MAT1A: variants seen among roughly 807,000 people sequenced by gnomAD.
The protein encoded by MAT1A is methionine adenosyltransferase 1A.
MAT1A carries 19 observed loss-of-function variants against 44.0 expected under a neutral mutation model. That is an observed-to-expected ratio of 0.43 (90% CI 0.30 to 0.63). The LOEUF is 0.63. MAT1A is among the 30% of genes least tolerant of loss of function. The pLI is 0.12. For missense variants in MAT1A, 397 were observed against 531.0 expected, an observed-to-expected ratio of 0.75 and a Z score of 2.48; for synonymous variants, 205 against 205.6, an observed-to-expected ratio of 1.00 and a Z score of 0.03.
chr10:80,279,824 C>T (rs1049368786), intron 5 of MAT1A, among the ~76,000 whole-genome samples: 19 of 152,082 alleles, frequency 1.2e-4, no homozygotes, highest in African/African-American at 4.3e-4. Context: ...ACAGACACAG[C>T]ACAGACAGCC....
At chr10:80,284,095 T>C in intron 2 of MAT1A, 57 bp from the exon 3 acceptor site, 2 of 1,599,780 alleles carry the variant, frequency 1.3e-6, no homozygotes, top group Non-Finnish European at 1.7e-6. Context: ...AAAGGGAAGC[T>C]CACATTCCCA....
chr10:80,273,691 G>T lies in MAT1A; in HGVS notation c.*90C>A. ...GCTTTGCCCTGAGGGTTGGTGGGTG[G>T]GGAAGGCGATCAGCAGCCAGGCGTC... is the stretch of plus-strand genomic sequence containing the variant. On this transcript the variant is annotated 3_prime_UTR_variant, in exon 9 of 9. Transcript: ENST00000372213. 1 of 931,244 alleles carries T rather than the reference G, an allele frequency of 1.1e-6. No homozygotes were observed. Among genetic ancestry groups the T allele is most frequent in the Non-Finnish European group, 1.8e-6 (1 of 559,758 alleles). 57.7% of individuals were successfully genotyped at this position (931,244 alleles called of 1,614,324 possible).
At chr10:80,286,154 C>T (rs780545347) in intron 1 of MAT1A, among the ~76,000 whole-genome samples, 1 of 152,176 alleles carries the variant, frequency 6.6e-6, no homozygotes, top group East Asian at 1.9e-4. Flanking sequence ...AGGAGTCTAA[C>T]GCAACTCACA....
In MAT1A at chr10:80,273,677, A is replaced by C. The variant is rs1399781594; in HGVS notation, c.*104T>G. 7 of 846,970 alleles carry C rather than the reference A, an allele frequency of 8.3e-6. No individual in the cohort carries two copies. The highest frequency in any genetic ancestry group is 1.2e-5 in the Non-Finnish European group (6 of 483,344). 52.5% of individuals were successfully genotyped at this position (846,970 alleles called of 1,614,324 possible). On this transcript the variant is annotated 3_prime_UTR_variant, in exon 9 of 9. Coordinates refer to ENST00000372213, the MANE Select transcript of MAT1A (RefSeq NM_000429.3). Reference sequence around the variant, plus strand: ...ATGAGAGGGACCTGGCTTTGCCCTGAGGGTTGGTGGGTGGGGAAGGCGATC... The same window carrying C: ...ATGAGAGGGACCTGGCTTTGCCCTGCGGGTTGGTGGGTGGGGAAGGCGATC...
chr10:80,276,182 G>A (rs1841483618), intron 6 of MAT1A, among the ~76,000 whole-genome samples, 194 bp downstream of exon 6: 1 of 152,162 alleles, frequency 6.6e-6, no homozygotes, highest in East Asian at 1.9e-4. Flanking sequence ...CTTGCACACT[G>A]TCAGACACAT....
chr10:80,280,371 C>T (rs1841549251), intron 4 of MAT1A, 55 bp from the exon 5 acceptor site: 1 of 1,607,372 alleles, frequency 6.2e-7, no homozygotes, highest in South Asian at 1.1e-5. Flanking sequence ...AGGACCGCAG[C>T]TCTCTCCAAG....
At position 80,284,411 on chromosome 10, in the gene MAT1A, C is replaced by T. The variant is rs1163006314; in HGVS notation, c.170-373G>A. On this transcript the variant is annotated intron_variant, in intron 2 of 8. Coordinates refer to ENST00000372213, the MANE Select transcript of MAT1A (RefSeq NM_000429.3). ...TAGTCCACACATGTGACCCCCCATC[C>T]CCCACATTGCTAAACCTCCACTGCA... is the stretch of plus-strand genomic sequence containing the variant. Among the ~76,000 whole-genome samples the T allele has an allele frequency of 3.3e-5, 5 of 152,270 alleles. No homozygotes were observed. In the South Asian group the frequency reaches 1.0e-3, roughly 32 times the overall value.
At chr10:80,275,342 G>C (rs1841472489) in intron 6 of MAT1A, 143 bp from the exon 7 acceptor site, 2 of 752,998 alleles carry the variant, frequency 2.7e-6, no homozygotes, top group East Asian at 2.7e-5. Flanking sequence ...AGACCCCTTA[G>C]CCCAGAACTC....
chr10:80,280,026 C>T, intron 5 of MAT1A, 147 bp downstream of exon 5: 6 of 974,964 alleles, frequency 6.2e-6, no homozygotes, highest in Non-Finnish European at 6.1e-6. Context: ...AGATTTTTCA[C>T]ATAAATAGTT....
intron 1 of MAT1A, among the ~76,000 whole-genome samples, chr10:80,287,366 G>T (rs1160379358): frequency 6.6e-6 from 1 of 151,914 alleles, no homozygotes; most frequent in Non-Finnish European, 1.5e-5. Context: ...TTGTTTTTTT[G>T]GAAAACCAGA....
intron 1 of MAT1A, among the ~76,000 whole-genome samples, chr10:80,288,200 A>G: frequency 6.6e-6 from 1 of 152,244 alleles, no homozygotes; most frequent in East Asian, 1.9e-4. Context: ...ATAAGTTAGC[A>G]AACACTCGAA....
intron 3 of MAT1A, among the ~76,000 whole-genome samples, chr10:80,282,312 C>A (rs548116338): frequency 6.6e-6 from 1 of 152,152 alleles, no homozygotes; most frequent in Non-Finnish European, 1.5e-5. Flanking sequence ...CCAGGAGCAA[C>A]GAGGAGCCAC....
chr10:80,279,278 T>C (rs778956097), intron 5 of MAT1A, among the ~76,000 whole-genome samples: 2 of 151,762 alleles, frequency 1.3e-5, no homozygotes, highest in Non-Finnish European at 2.9e-5. Flanking sequence ...GGGTGCTTGA[T>C]GGGGTAAACT....
rs1841696000 is a variant in MAT1A at position 80,289,635 on chromosome 10, G to A, written c.-212C>T. The A allele has an allele frequency of 1.2e-5, 7 of 603,450 alleles. No individual in the cohort carries two copies. The Admixed American group carries it at 1.5e-4, about 13-fold the overall frequency. The allele number at this position is 603,450 out of a possible 1,614,324, so 37.4% of individuals were successfully genotyped here. ...GGAGGGAGTGGATGGAACACGGGATGTGTCCCTCCCTCCAGCTTGCCACAG... is the reference window on the plus strand; with the variant it reads ...GGAGGGAGTGGATGGAACACGGGATATGTCCCTCCCTCCAGCTTGCCACAG... On this transcript the variant is annotated 5_prime_UTR_variant, in exon 1 of 9. Transcript: ENST00000372213.
intron 3 of MAT1A, among the ~76,000 whole-genome samples, chr10:80,283,319 C>G (rs975006953): frequency 6.6e-6 from 1 of 152,248 alleles, no homozygotes; most frequent in Non-Finnish European, 1.5e-5. Context: ...GGCCTGTGCC[C>G]CTTCCCTGGG....
In MAT1A at chr10:80,284,705, T is replaced by A. The variant is rs149624514; in HGVS notation, c.170-667A>T. Among the ~76,000 whole-genome samples the A allele has an allele frequency of 9.2e-3, 1,407 of 152,274 alleles. 17 individuals are homozygous for A. The highest frequency in any genetic ancestry group is 0.031 in the Middle Eastern group (9 of 294). On this transcript the variant is annotated intron_variant, in intron 2 of 8. Transcript: ENST00000372213. ...CTTGGCCAGGCCCTGATGCAGAGGG[T>A]ACCGTGATCCTGTCTCTAAAATGAA...
At position 80,272,987 on chromosome 10, in the gene MAT1A, T is replaced by C. The variant is rs1165720950; in HGVS notation, c.*794A>G. 6.6e-6 allele frequency: 1 copy of C among 152,266 alleles called. No individual in the cohort carries two copies. Among genetic ancestry groups the C allele is most frequent in the Non-Finnish European group, 1.5e-5 (1 of 68,116 alleles). The allele number at this position is 152,266 out of a possible 1,614,324, so 9.4% of individuals were successfully genotyped here. On this transcript the variant is annotated 3_prime_UTR_variant, in exon 9 of 9. Transcript: ENST00000372213. ...CCTCAGGCCTTCAGGACAGAGTCCA[T>C]GGCCTCATTTCTGAATCTGCTTTGT...
chr10:80,280,899 G>T (rs1841558262), intron 3 of MAT1A, 107 bp from the exon 4 acceptor site: 2 of 829,076 alleles, frequency 2.4e-6, no homozygotes, highest in Non-Finnish European at 4.1e-6. Context: ...GTGTCAGCGT[G>T]GGGGTTCCCT....
At position 80,284,010 on chromosome 10, in the gene MAT1A, C is replaced by A; in HGVS notation, c.198G>T (p.Leu66=). The change falls in exon 3 of 9, where the codon CTG becomes CTT. Residue 66 remains leucine (L), a synonymous_variant. Coordinates refer to ENST00000372213, the MANE Select transcript of MAT1A (RefSeq NM_000429.3). The stretch of plus-strand genomic sequence containing the variant: ...CCATTGAGGTGATCTCACCACACAG[C>A]AGCACCATGCCGGTCTTGCACACTG... ...CETVCKTGMV[L]LCGEITSMAM... 1 of 1,614,206 alleles carries A rather than the reference C, an allele frequency of 6.2e-7. No individual in the cohort carries two copies. The highest frequency in any genetic ancestry group is 8.5e-7 in the Non-Finnish European group (1 of 1,180,028).
Sources: allele counts gnomAD v4.1 joint callset (sites outside exome capture counted in the v4.1 genomes callset), GRCh38; gene constraint gnomAD v4.1.1; transcripts MANE v1.5; gene names NCBI Gene and HGNC (gene_info 2026-07-23, HGNC 2026-07-21).